Variants in ELMOD2 observed in about 807,000 individuals in gnomAD.
ELMOD2 encodes the protein ELMO domain-containing protein 2.
Under a neutral mutation model 41.0 loss-of-function variants are expected in ELMOD2, and 28 were observed. The ratio of observed to expected loss-of-function variants is 0.68; its 90% CI spans 0.51 to 0.94. The LOEUF is 0.94. ELMOD2 is among the 40% of genes least tolerant of loss of function. ELMOD2 has a pLI of 0.00. For missense variants in ELMOD2, 333 were observed against 343.1 expected, an observed-to-expected ratio of 0.97 and a Z score of 0.23; for synonymous variants, 106 against 107.2, an observed-to-expected ratio of 0.99 and a Z score of 0.07.
At position 140,532,233 on chromosome 4, in the gene ELMOD2, C is replaced by T. The variant is rs185270729; in HGVS notation, c.172-3500C>T. On this transcript the variant is annotated intron_variant, in intron 3 of 8. Coordinates refer to ENST00000323570, the MANE Select transcript of ELMOD2 (RefSeq NM_153702.4). ...AGGCTGGTGTGCAGTGGCGTGATCT[C>T]GGCTCACTGCACCCTCCACCTCCCG... is the stretch of plus-strand genomic sequence containing the variant. Among the ~76,000 whole-genome samples, 567 of 148,812 alleles carry T rather than the reference C, an allele frequency of 3.8e-3. 4 individuals are homozygous for T. The highest frequency in any genetic ancestry group is 0.014 in the African/African-American group (549 of 40,272).
Position 140,551,836 on chromosome 4 carries a change from T to C in ELMOD2, c.*1461T>C, listed in dbSNP as rs1390578661. On this transcript the variant is annotated 3_prime_UTR_variant, in exon 9 of 9. Coordinates refer to ENST00000323570, the MANE Select transcript of ELMOD2 (RefSeq NM_153702.4). ...TAGAAGAGTGGTAAGACATATCCAA[T>C]TGGAAAATAAGATGCAGTGTTGTAT... is the stretch of plus-strand genomic sequence containing the variant. 1 of 152,030 alleles carries C rather than the reference T, an allele frequency of 6.6e-6. No individual in the cohort carries two copies. The highest frequency in any genetic ancestry group is 1.5e-5 in the Non-Finnish European group (1 of 67,894). 9.4% of individuals were successfully genotyped at this position (152,030 alleles called of 1,614,324 possible).
chr4:140,548,535 A>G (rs879373901), intron 8 of ELMOD2, among the ~76,000 whole-genome samples: 1 of 152,172 alleles, frequency 6.6e-6, no homozygotes, highest in Non-Finnish European at 1.5e-5. Flanking sequence ...TGTATGACCA[A>G]TATTATTAAA....
intron 6 of ELMOD2, among the ~76,000 whole-genome samples, chr4:140,540,788 G>A (rs1457488467): frequency 6.7e-6 from 1 of 149,958 alleles, no homozygotes; most frequent in African/African-American, 2.4e-5. Context: ...AATTGTGTAT[G>A]TGATTTCTTT....
intron 3 of ELMOD2, among the ~76,000 whole-genome samples, chr4:140,533,311 T>TCAAA (rs997115150): frequency 6.6e-6 from 1 of 152,274 alleles, no homozygotes; most frequent in African/African-American, 2.4e-5. Context: ...TAAGACTTTA[T>TCAAA]AGTCAAAAGA....
At chr4:140,533,274 T>C (rs2110837497) in intron 3 of ELMOD2, among the ~76,000 whole-genome samples, 1 of 152,228 alleles carries the variant, frequency 6.6e-6, no homozygotes, top group Non-Finnish European at 1.5e-5. Flanking sequence ...CACGTAACCT[T>C]CTAAAAGGAC....
rs546688046 is a variant in ELMOD2, at chr4:140,549,968, T to C, written c.737-262T>C. The stretch of plus-strand genomic sequence containing the variant: ...TCTGAAAGTGCTGAGAGTTCAGGTA[T>C]GAGTCACTGCTCCCAGGTGAAAGTA... On this transcript the variant is annotated intron_variant, in intron 8 of 8. Coordinates refer to ENST00000323570, the MANE Select transcript of ELMOD2 (RefSeq NM_153702.4). Among the ~76,000 whole-genome samples the C allele has an allele frequency of 8.5e-5, 13 of 152,258 alleles. 1 individual carries two copies. In the South Asian group the frequency reaches 2.3e-3, roughly 27 times the overall value.
chr4:140,540,269 A>T lies in ELMOD2; in HGVS notation c.501A>T (p.Arg167Ser). ...GTGATGATCCCAAGACAGACTTCAG[A>T]GGCATGGGCATACTTGGGTTAATCA... is the stretch of plus-strand genomic sequence containing the variant. ...FQGDDPKTDF[R>S]GMGILGLINL... The change falls in exon 6 of 9, where the codon AGA becomes AGT. Residue 167 changes from arginine (R) to serine (S), a missense_variant. Physicochemically the swap from Arg to Ser is moderately radical, Grantham distance 110 (BLOSUM62 -1). Transcript: ENST00000323570. The T allele has an allele frequency of 4.3e-6, 7 of 1,614,182 alleles. No individual in the cohort carries two copies. The highest frequency in any genetic ancestry group is 5.9e-6 in the Non-Finnish European group (7 of 1,180,014).
At chr4:140,531,269 C>G (rs1393526723) in intron 3 of ELMOD2, among the ~76,000 whole-genome samples, 1 of 152,074 alleles carries the variant, frequency 6.6e-6, no homozygotes, top group Non-Finnish European at 1.5e-5. Context: ...CCACAGTGTG[C>G]ATTCTTTCTT....
intron 5 of ELMOD2, among the ~76,000 whole-genome samples, chr4:140,538,023 C>T (rs1047901755): frequency 1.3e-5 from 2 of 152,034 alleles, no homozygotes; most frequent in Non-Finnish European, 2.9e-5. Flanking sequence ...CAAGCAATGC[C>T]ACAAAAGATT....
chr4:140,538,075 T>A (rs1231316827), intron 5 of ELMOD2, among the ~76,000 whole-genome samples: 1 of 152,192 alleles, frequency 6.6e-6, no homozygotes, highest in Non-Finnish European at 1.5e-5. Context: ...AGAATTTTCC[T>A]TTTTCTTATT....
intron 2 of ELMOD2, chr4:140,526,497 A>G (rs371710944): frequency 6.6e-6 from 1 of 152,302 alleles, no homozygotes; most frequent in Admixed American, 6.5e-5. Flanking sequence ...TCTCTGTGTT[A>G]AACGGAAAAT....
At chr4:140,544,619 C>T (rs1451637999) in intron 8 of ELMOD2, among the ~76,000 whole-genome samples, 1 of 152,100 alleles carries the variant, frequency 6.6e-6, no homozygotes, top group Non-Finnish European at 1.5e-5. Flanking sequence ...CCTTGGTAAC[C>T]TCTCCAGGCT....
rs998806198 is a variant in ELMOD2, at chr4:140,553,323, G to A, written c.*2948G>A. 1 of 152,066 alleles carries A rather than the reference G, an allele frequency of 6.6e-6. No individual in the cohort carries two copies. The highest frequency in any genetic ancestry group is 6.6e-5 in the Admixed American group (1 of 15,256). The allele number at this position is 152,066 out of a possible 1,614,324, so 9.4% of individuals were successfully genotyped here. On this transcript the variant is annotated 3_prime_UTR_variant, in exon 9 of 9. Coordinates refer to ENST00000323570, the MANE Select transcript of ELMOD2 (RefSeq NM_153702.4). ...TTATTATCCTTTTTGAAATAACAGG[G>A]ACCAGCAGCAGTTTTCTCAGGATAA...
Position 140,537,492 on chromosome 4 carries a change from A to G in ELMOD2, c.350A>G (p.Lys117Arg). The G allele has an allele frequency of 1.9e-6, 3 of 1,592,540 alleles. No individual in the cohort carries two copies. The highest frequency in any genetic ancestry group is 2.3e-5 in the East Asian group (1 of 43,002). ...QLYLDVESVR[K>R]RPYDSDNLQH... is the part of the protein sequence containing the mutation. ...TATTTGGATGTAGAAAGTGTGAGGA[A>G]AAGGCCATATGATTCTGATAACCTA... Residue 117 changes from lysine to arginine, a missense_variant, in exon 5 of 9, where the codon AAA becomes AGA. Coordinates refer to ENST00000323570, the MANE Select transcript of ELMOD2 (RefSeq NM_153702.4).
At chr4:140,536,400 A>G (rs1266016781) in intron 4 of ELMOD2, among the ~76,000 whole-genome samples, 1 of 152,134 alleles carries the variant, frequency 6.6e-6, no homozygotes, top group African/African-American at 2.4e-5. Flanking sequence ...GGAAGGAACA[A>G]TTTATTTCAG....
chr4:140,540,674 G>A (rs1735077222), intron 6 of ELMOD2, among the ~76,000 whole-genome samples: 1 of 151,472 alleles, frequency 6.6e-6, no homozygotes, highest in Non-Finnish European at 1.5e-5. Context: ...CTGAGCCCAG[G>A]AATTCAAGTT....
At chr4:140,535,632 A>G (rs1734896163) in intron 3 of ELMOD2, 101 bp from the exon 4 acceptor site, 2 of 1,104,768 alleles carry the variant, frequency 1.8e-6, no homozygotes, top group Non-Finnish European at 2.6e-6. Context: ...TTTATTTTGC[A>G]TTTTTAATAT....
At chr4:140,539,289 A>C (rs1191214312) in intron 5 of ELMOD2, among the ~76,000 whole-genome samples, 1 of 151,584 alleles carries the variant, frequency 6.6e-6, no homozygotes, top group African/African-American at 2.4e-5. Context: ...GTGGTATTGA[A>C]TTTAAACAAT....
chr4:140,547,297 C>T (rs934902532), intron 8 of ELMOD2, among the ~76,000 whole-genome samples: 10 of 152,246 alleles, frequency 6.6e-5, no homozygotes, highest in Admixed American at 1.3e-4. Flanking sequence ...TGTTTTAATG[C>T]GTCCTGTGTA....
Sources: gnomAD v4.1 joint callset for allele counts (sites outside exome capture counted in the v4.1 genomes callset) on GRCh38, gnomAD v4.1.1 for gene constraint, MANE v1.5 for transcripts, NCBI Gene and HGNC (gene_info 2026-07-23, HGNC 2026-07-21) for gene names.